Variants in FMN1 observed in about 807,000 individuals in gnomAD.
The protein encoded by FMN1 is formin-1.
FMN1 carries 110 observed loss-of-function variants against 132.4 expected under a neutral mutation model. That is an observed-to-expected ratio of 0.83 (90% confidence interval 0.71 to 0.97). The LOEUF (loss-of-function observed/expected upper bound fraction) is 0.97, where lower values mean the gene tolerates loss of function less well. FMN1 is among the 50% of genes least tolerant of loss of function. FMN1 has a pLI of 0.00. For synonymous variants in FMN1, 722 were observed against 651.7 expected (o/e 1.11, Z -1.64); for missense variants, 1,792 against 1,705.3 (o/e 1.05, Z -0.90).
intron 19 of FMN1, among the ~76,000 whole-genome samples, chr15:32,788,346 A>C (rs1231324894): frequency 6.6e-6 from 1 of 152,232 alleles, no homozygotes; most frequent in Non-Finnish European, 1.5e-5. Flanking sequence ...CTGTGTCATA[A>C]ATTTGCAAAT....
At chr15:33,116,918 T>C (rs1048696887) in intron 4 of FMN1, among the ~76,000 whole-genome samples, 6 of 146,038 alleles carry the variant, frequency 4.1e-5, no homozygotes, top group African/African-American at 9.9e-5. Flanking sequence ...TTGAAACACG[T>C]TTTACAGCAC....
chr15:32,910,411 C>A, intron 11 of FMN1, 63 bp downstream of exon 11: 2 of 1,294,670 alleles, frequency 1.5e-6, no homozygotes, highest in South Asian at 1.3e-5. Context: ...ATGAACAGCT[C>A]AGTCATTTCT....
chr15:33,102,682 C>T (rs2039339756), intron 4 of FMN1, among the ~76,000 whole-genome samples: 2 of 152,074 alleles, frequency 1.3e-5, no homozygotes, highest in South Asian at 2.1e-4. Context: ...GACTCATGAG[C>T]AAACACAAAG....
intron 7 of FMN1, among the ~76,000 whole-genome samples, chr15:32,970,329 G>C (rs1027401828): frequency 6.6e-6 from 1 of 152,130 alleles, no homozygotes; most frequent in Non-Finnish European, 1.5e-5. Context: ...AATTTTATTA[G>C]AGTTTTCAAA....
rs1258727 is a variant in FMN1 at position 32,769,770 on chromosome 15, T to A, written c.*4540A>T. 0.71 allele frequency: 108,245 copies of A among 152,108 alleles called. 39,857 individuals are homozygous for A. The highest frequency in any genetic ancestry group is 0.8 in the Non-Finnish European group (54,343 of 67,992). 9.4% of individuals were successfully genotyped at this position (152,108 alleles called of 1,614,324 possible). On this transcript the variant is annotated 3_prime_UTR_variant, in exon 21 of 21. Coordinates refer to ENST00000616417, the MANE Select transcript of FMN1 (RefSeq NM_001277313.2). ...CTGTGTTGCAGATTTCTTTATGAGG[T>A]CAAAGTAGCAGACATGAATGAAAGT...
intron 17 of FMN1, among the ~76,000 whole-genome samples, chr15:32,825,889 G>A (rs2058352556): frequency 6.6e-6 from 1 of 152,170 alleles, no homozygotes; most frequent in East Asian, 1.9e-4. Flanking sequence ...AAGAATGAAT[G>A]GTTAAGATTA....
At chr15:32,848,159 T>TAG (rs1236855795) in intron 17 of FMN1, among the ~76,000 whole-genome samples, 1 of 152,154 alleles carries the variant, frequency 6.6e-6, no homozygotes, top group Non-Finnish European at 1.5e-5. Flanking sequence ...CCCTACATAT[T>TAG]AGAGGCCTCT....
intron 4 of FMN1, among the ~76,000 whole-genome samples, chr15:33,116,500 G>C (rs1477752066): frequency 6.6e-6 from 1 of 152,130 alleles, no homozygotes; most frequent in African/African-American, 2.4e-5. Flanking sequence ...GTCATTCTAA[G>C]CCTATTCTTG....
intron 6 of FMN1, among the ~76,000 whole-genome samples, chr15:33,032,863 G>T (rs1433090115): frequency 6.6e-6 from 1 of 152,098 alleles, no homozygotes; most frequent in Non-Finnish European, 1.5e-5. Flanking sequence ...TTACTACTGT[G>T]TCTTGTTTCT....
At chr15:32,791,608 T>C (rs2057081239) in intron 19 of FMN1, among the ~76,000 whole-genome samples, 1 of 152,192 alleles carries the variant, frequency 6.6e-6, no homozygotes, top group Non-Finnish European at 1.5e-5. Flanking sequence ...GATGTTTCAA[T>C]AATCCAAGTG....
At chr15:33,083,646 CT>C (rs1300629655) in intron 5 of FMN1, among the ~76,000 whole-genome samples, 1 of 152,124 alleles carries the variant, frequency 6.6e-6, no homozygotes, top group Non-Finnish European at 1.5e-5. Flanking sequence ...TAAAAATATC[CT>C]TTGTAATAAA....
intron 9 of FMN1, among the ~76,000 whole-genome samples, chr15:32,951,144 T>G (rs939332857): frequency 6.6e-6 from 1 of 152,158 alleles, no homozygotes; most frequent in Non-Finnish European, 1.5e-5. Flanking sequence ...ATTACCAAAA[T>G]CGGTCATTCT....
At chr15:33,128,826 C>T (rs1279240402) in intron 4 of FMN1, among the ~76,000 whole-genome samples, 2 of 152,230 alleles carry the variant, frequency 1.3e-5, no homozygotes, top group African/African-American at 4.8e-5. Context: ...AATAACAAAG[C>T]CTCCGCAATG....
At chr15:33,149,502 T>A (rs1964361132) in intron 4 of FMN1, among the ~76,000 whole-genome samples, 1 of 152,180 alleles carries the variant, frequency 6.6e-6, no homozygotes, top group South Asian at 2.1e-4. Flanking sequence ...TATGCCTAAT[T>A]TCTTATTGGT....
At chr15:33,004,584 TTGG>T (rs567719208) in intron 7 of FMN1, among the ~76,000 whole-genome samples, 60 of 152,286 alleles carry the variant, frequency 3.9e-4, no homozygotes, top group African/African-American at 1.3e-3. Flanking sequence ...TTTTACACTG[TTGG>T]TGGGACTGTA....
chr15:33,101,705 T>C (rs1423580875), intron 4 of FMN1, among the ~76,000 whole-genome samples: 1 of 152,158 alleles, frequency 6.6e-6, no homozygotes, highest in Non-Finnish European at 1.5e-5. Flanking sequence ...CTTTATGTCA[T>C]TGTTTTAAAT....
At chr15:32,802,082 A>G (rs1019043487) in intron 18 of FMN1, among the ~76,000 whole-genome samples, 2 of 152,232 alleles carry the variant, frequency 1.3e-5, no homozygotes, top group African/African-American at 2.4e-5. Flanking sequence ...TGAAATTTCT[A>G]TTTGTTAGCA....
At chr15:32,937,477 G>C (rs1404451734) in intron 9 of FMN1, among the ~76,000 whole-genome samples, 2 of 152,168 alleles carry the variant, frequency 1.3e-5, no homozygotes, top group African/African-American at 4.8e-5. Context: ...AAGGGAACTG[G>C]CCCGTGTATT....
intron 10 of FMN1, 92 bp from the exon 11 acceptor site, chr15:32,910,627 C>A (rs2060537715): frequency 1.1e-6 from 1 of 939,234 alleles, no homozygotes; most frequent in African/African-American, 1.6e-5. Flanking sequence ...AAGCAATTAA[C>A]AGAGTATTGC....
Sources: allele counts gnomAD v4.1 joint callset (sites outside exome capture counted in the v4.1 genomes callset), GRCh38; gene constraint gnomAD v4.1.1; transcripts MANE v1.5; gene names NCBI Gene and HGNC (gene_info 2026-07-23, HGNC 2026-07-21).